SETX: variants seen among roughly 807,000 people sequenced by gnomAD.
SETX encodes the protein senataxin, also known as helicase senataxin.
SETX carries 90 observed loss-of-function variants against 227.2 expected under a neutral mutation model. The ratio of observed to expected loss-of-function variants is 0.40; its 90% CI spans 0.33 to 0.47. The LOEUF is 0.47. Ranked by LOEUF, SETX falls within the 20% of genes least tolerant of loss-of-function variation. SETX has a pLI of 0.91. For missense variants in SETX, 3,052 were observed against 3,181.5 expected (o/e 0.96, Z 0.98); for synonymous variants, 1,210 against 1,113.2 (o/e 1.09, Z -1.73).
intron 10 of SETX, among the ~76,000 whole-genome samples, chr9:132,317,046 T>C (rs956831190): frequency 2.0e-5 from 3 of 152,250 alleles, no homozygotes; most frequent in Non-Finnish European, 4.4e-5. Flanking sequence ...CTTTACAATG[T>C]GAAGCTATCA....
intron 25 of SETX, among the ~76,000 whole-genome samples, chr9:132,266,969 T>C (rs990616700): frequency 5.9e-5 from 9 of 152,240 alleles, no homozygotes; most frequent in African/African-American, 1.9e-4. Context: ...TTTTTAGGAA[T>C]ATCTTAACCT....
Position 132,271,701 on chromosome 9 carries a change from G to A in SETX, c.7199+9C>T. 6.3e-7 allele frequency: 1 copy of A among 1,599,824 alleles called. No homozygotes were observed. Among genetic ancestry groups the A allele is most frequent in the African/African-American group, 1.4e-5 (1 of 69,546 alleles). ...CAAGTATAAAAGAGCAACAATGACAGTAACTCACCCAATTGAACCTTGGAT... is the reference window on the plus strand; with the variant it reads ...CAAGTATAAAAGAGCAACAATGACAATAACTCACCCAATTGAACCTTGGAT... On this transcript the variant is annotated intron_variant, in intron 24 of 25. Coordinates refer to ENST00000224140, the MANE Select transcript of SETX (RefSeq NM_015046.7).
chr9:132,298,500 G>A (rs545909733), intron 12 of SETX, among the ~76,000 whole-genome samples, 188 bp from the exon 13 acceptor site: 2 of 152,244 alleles, frequency 1.3e-5, no homozygotes, highest in East Asian at 3.9e-4. Flanking sequence ...TTATTTTCTA[G>A]AAGATGGAGG....
At position 132,353,709 on chromosome 9, in the gene SETX, G is replaced by A. The variant is rs1848723624; in HGVS notation, c.-68C>T. 5 of 152,096 alleles carry A rather than the reference G, an allele frequency of 3.3e-5. No homozygotes were observed. The South Asian group carries it at 1.0e-3, about 32-fold the overall frequency. 9.4% of individuals were successfully genotyped at this position (152,096 alleles called of 1,614,324 possible). A position where few individuals can be genotyped will look rare whatever the true frequency, so the allele number is the denominator to read the frequency against. On this transcript the variant is annotated 5_prime_UTR_variant, in exon 2 of 26. Coordinates refer to ENST00000224140, the MANE Select transcript of SETX (RefSeq NM_015046.7). ...GCTGGGCTTAGTTGTGAACAAACAC[G>A]GATTTGCATTCATATATGCCCAGAC...
intron 20 of SETX, among the ~76,000 whole-genome samples, 160 bp downstream of exon 20, chr9:132,281,307 C>G (rs950324344): frequency 6.6e-6 from 1 of 152,154 alleles, no homozygotes; most frequent in African/African-American, 2.4e-5. Context: ...CATTTTTAGG[C>G]ATTTTTTAAA....
intron 2 of SETX, among the ~76,000 whole-genome samples, chr9:132,353,414 T>C (rs1400875245): frequency 3.3e-5 from 5 of 152,080 alleles, no homozygotes; most frequent in African/African-American, 1.2e-4. Context: ...GATAAAATTG[T>C]TTCCCTTTTA....
rs35649212 is a variant in SETX, at chr9:132,302,356, CAAAAAAA to C, written c.5375-1560_5375-1554del. The stretch of plus-strand genomic sequence containing the variant: ...TGGGTGACAGAGCAAGAATCCATCT[CAAAAAAA>C]AAAAAAAAAAAAAAGGCCAGGTGTG... On this transcript the variant is annotated intron_variant, in intron 11 of 25. Coordinates refer to ENST00000224140, the MANE Select transcript of SETX (RefSeq NM_015046.7). Among the ~76,000 whole-genome samples the C allele has an allele frequency of 1.2e-3, 33 of 27,814 alleles. 1 individual carries two copies. Among genetic ancestry groups the C allele is most frequent in the African/African-American group, 4.6e-3 (31 of 6,742 alleles). The allele number at this position is 27,814 out of a possible 152,430, so 18.2% of individuals were successfully genotyped here. A position where few individuals can be genotyped will look rare whatever the true frequency, so the allele number is the denominator to read the frequency against.
At chr9:132,323,758 C>T (rs762965692) in intron 10 of SETX, among the ~76,000 whole-genome samples, 1 of 151,986 alleles carries the variant, frequency 6.6e-6, no homozygotes, top group African/African-American at 2.4e-5. Context: ...CAAAAATTAG[C>T]TGGACATTAT....
chr9:132,354,793 TTCCCCC>T (rs1249901036), intron 1 of SETX, 118 bp downstream of exon 1: 1 of 150,646 alleles, frequency 6.6e-6, no homozygotes, highest in Non-Finnish European at 1.5e-5. Flanking sequence ...GCGCCGACTC[TTCCCCC>T]ATCCGCCCAC....
intron 2 of SETX, 83 bp from the exon 3 acceptor site, chr9:132,349,518 G>A: frequency 7.1e-7 from 1 of 1,406,876 alleles, no homozygotes; most frequent in South Asian, 1.2e-5. Context: ...TTCAACTTGT[G>A]ACCCTGGTTT....
chr9:132,330,917 G>GAGA (rs1847182423), intron 9 of SETX, 135 bp downstream of exon 9: 1 of 732,850 alleles, frequency 1.4e-6, no homozygotes. Context: ...GCTGTTCAAT[G>GAGA]AGAAGGGCTT....
Position 132,330,353 on chromosome 9 carries a change from G to A in SETX, c.1245C>T (p.Val415=). The A allele has an allele frequency of 6.2e-7, 1 of 1,614,146 alleles. No individual in the cohort carries two copies. The highest frequency in any genetic ancestry group is 8.5e-7 in the Non-Finnish European group (1 of 1,179,992). Residue 415 remains valine, a synonymous_variant, in exon 10 of 26, where the codon GTC becomes GTT. Coordinates refer to ENST00000224140, the MANE Select transcript of SETX (RefSeq NM_015046.7). ...NSTFLWFIPF[V]QSLMDLKDLG... ...AATCCTTAAGATCCATGAGGGACTGGACAAAAGGGATGAACCATAGAAATG... is the reference window on the plus strand; with the variant it reads ...AATCCTTAAGATCCATGAGGGACTGAACAAAAGGGATGAACCATAGAAATG...
chr9:132,265,509 C>T (rs1842604518), intron 25 of SETX, among the ~76,000 whole-genome samples: 1 of 152,158 alleles, frequency 6.6e-6, no homozygotes, highest in Non-Finnish European at 1.5e-5. Context: ...CAGGCAGGAG[C>T]CACCGTGCCT....
At chr9:132,344,689 A>G (rs1280030298) in intron 4 of SETX, among the ~76,000 whole-genome samples, 3 of 152,108 alleles carry the variant, frequency 2.0e-5, no homozygotes, top group African/African-American at 7.2e-5. Flanking sequence ...AGCCTGGCCA[A>G]CATGGCAAAA....
chr9:132,266,514 G>A (rs1456865122), intron 25 of SETX, among the ~76,000 whole-genome samples: 1 of 152,180 alleles, frequency 6.6e-6, no homozygotes, highest in African/African-American at 2.4e-5. Context: ...GCTCATGCCT[G>A]TAATCCTAAC....
Position 132,353,772 on chromosome 9 carries a change from A to G in SETX, c.-114-17T>C, listed in dbSNP as rs552544653. 1 of 152,410 alleles carries G rather than the reference A, an allele frequency of 6.6e-6. No individual in the cohort carries two copies. The highest frequency in any genetic ancestry group is 1.5e-5 in the Non-Finnish European group (1 of 68,066). 9.4% of individuals were successfully genotyped at this position (152,410 alleles called of 1,614,324 possible). ...AGAACATTTCTGAAATTAAAAAACA[A>G]AAAACGAAATTGGTAAGTGGCATTT... On this transcript the variant is annotated splice_polypyrimidine_tract_variant and intron_variant, in intron 1 of 25. Transcript: ENST00000224140.
At position 132,339,706 on chromosome 9, in the gene SETX, G is replaced by A. The variant is rs892197989; in HGVS notation, c.498+2984C>T. The stretch of plus-strand genomic sequence containing the variant: ...CGGCTCACTGCAACCCCTGCATCCC[G>A]GGTTCAAGCAATTCTCCTGCCTCAG... On this transcript the variant is annotated intron_variant, in intron 5 of 25. Transcript: ENST00000224140. 4.6e-5 allele frequency among the ~76,000 whole-genome samples: 7 copies of A among 152,070 alleles called. No homozygotes were observed. In the South Asian group the frequency reaches 8.3e-4, roughly 18 times the overall value.
At chr9:132,273,109 C>G (rs960637851) in intron 23 of SETX, among the ~76,000 whole-genome samples, 1 of 151,712 alleles carries the variant, frequency 6.6e-6, no homozygotes, top group African/African-American at 2.4e-5. Flanking sequence ...AAAAACAACA[C>G]AACACTAAGT....
At position 132,319,782 on chromosome 9, in the gene SETX, T is replaced by C. The variant is rs1334099259; in HGVS notation, c.5274+6542A>G. ...GCCATACCACCCTAAATTCACCCAA[T>C]CTTGTCTGAAATTAGCCACAGAAAT... On this transcript the variant is annotated intron_variant, in intron 10 of 25. Transcript: ENST00000224140. Among the ~76,000 whole-genome samples, 3 of 152,248 alleles carry C rather than the reference T, an allele frequency of 2.0e-5. No individual in the cohort carries two copies. The East Asian group carries it at 5.8e-4, about 29-fold the overall frequency.
Sources: allele counts gnomAD v4.1 joint callset (sites outside exome capture counted in the v4.1 genomes callset), GRCh38; gene constraint gnomAD v4.1.1; transcripts MANE v1.5; gene names NCBI Gene and HGNC (gene_info 2026-07-23, HGNC 2026-07-21).